Variants in GCNT2 observed in about 807,000 individuals in gnomAD.
GCNT2 encodes N-acetyllactosaminide beta-1,6-N-acetylglucosaminyl-transferase.
A neutral mutation model predicts 34.2 loss-of-function variants in GCNT2; 34 were observed. The observed-to-expected ratio is 1.00, with a 90% CI of 0.76 to 1.32. The LOEUF (loss-of-function observed/expected upper bound fraction) is 1.32, where lower values mean the gene tolerates loss of function less well. GCNT2 is among the 40% of genes most tolerant of loss of function. GCNT2 has a pLI of 0.00. For synonymous variants in GCNT2, 212 were observed against 188.0 expected (o/e 1.13, Z -1.04); for missense variants, 584 against 489.4 (o/e 1.19, Z -1.82).
At chr6:10,569,461 A>G (rs1176193896) in intron 3 of GCNT2, among the ~76,000 whole-genome samples, 1 of 152,112 alleles carries the variant, frequency 6.6e-6, no homozygotes, top group Non-Finnish European at 1.5e-5. Context: ...AGCTGGGATT[A>G]TAAGCATGAG....
intron 3 of GCNT2, among the ~76,000 whole-genome samples, chr6:10,601,838 G>A (rs1012793097): frequency 7.9e-5 from 12 of 151,546 alleles, no homozygotes; most frequent in Non-Finnish European, 1.6e-4. Context: ...CTACTCAGGA[G>A]GCTGAGGCAG....
intron 4 of GCNT2, among the ~76,000 whole-genome samples, chr6:10,622,742 CTTTTTTTTTTTTTTTT>C (rs36097125): frequency 2.7e-5 from 2 of 74,472 alleles, no homozygotes; most frequent in East Asian, 5.1e-4. Flanking sequence ...CTCAGTCCAT[CTTTTTTTTTTTTTTTT>C]TTTTTTTTTT....
chr6:10,617,157 C>CTG (rs1356818965), intron 3 of GCNT2, among the ~76,000 whole-genome samples: 1 of 152,102 alleles, frequency 6.6e-6, no homozygotes, highest in Non-Finnish European at 1.5e-5. Flanking sequence ...CCATGGCGGT[C>CTG]GGGGGGAGGC....
chr6:10,556,410 C>G, intron 3 of GCNT2: 5 of 1,613,524 alleles, frequency 3.1e-6, no homozygotes, highest in Non-Finnish European at 4.2e-6. Context: ...TGACATTTCA[C>G]CCTTCTTTGA....
At chr6:10,557,068 AG>A (rs1172571838) in intron 3 of GCNT2, 2 of 1,602,648 alleles carry the variant, frequency 1.2e-6, no homozygotes, top group Non-Finnish European at 1.7e-6. Context: ...ATATCACCCC[AG>A]GGGTGCTGCC....
At chr6:10,526,227 T>A (rs1476021153) in intron 1 of GCNT2, among the ~76,000 whole-genome samples, 1 of 152,178 alleles carries the variant, frequency 6.6e-6, no homozygotes, top group Non-Finnish European at 1.5e-5. Context: ...GTTGATTAAA[T>A]TCTATTTTGG....
At chr6:10,586,295 C>T (rs765694309) in intron 3 of GCNT2, 4 of 1,614,160 alleles carry the variant, frequency 2.5e-6, no homozygotes, top group Non-Finnish European at 3.4e-6. Flanking sequence ...ATGTCATGGT[C>T]ATCCATAAGG....
chr6:10,585,964 AT>A lies in GCNT2; in HGVS notation c.926-35385del, dbSNP rs1370839748. 3.7e-6 allele frequency: 6 copies of A among 1,612,858 alleles called. No individual in the cohort carries two copies. In the East Asian group the frequency reaches 6.7e-5, roughly 18 times the overall value. On this transcript the variant is annotated intron_variant, in intron 3 of 4. Coordinates refer to ENST00000495262, the MANE Select transcript of GCNT2 (RefSeq NM_145649.5). ...ATTTCTCATTCCCTGAAAAGAAGAGATTGTTTCCCCAGGGAAGTGAAAATAA... is the reference window on the plus strand; with the variant it reads ...ATTTCTCATTCCCTGAAAAGAAGAGATGTTTCCCCAGGGAAGTGAAAATAA...
intron 3 of GCNT2, among the ~76,000 whole-genome samples, chr6:10,593,989 A>G (rs1481174589): frequency 6.6e-6 from 1 of 152,202 alleles, no homozygotes; most frequent in East Asian, 1.9e-4. Flanking sequence ...ATCTGTGATG[A>G]TGGAGATAAT....
chr6:10,540,271 C>CTCCT (rs1561786311), intron 3 of GCNT2, among the ~76,000 whole-genome samples: 1 of 152,150 alleles, frequency 6.6e-6, no homozygotes, highest in African/African-American at 2.4e-5. Flanking sequence ...TGACTAAAGC[C>CTCCT]TCCTACCTCT....
intron 3 of GCNT2, among the ~76,000 whole-genome samples, chr6:10,560,554 G>A (rs768585590): frequency 6.6e-6 from 1 of 152,124 alleles, no homozygotes; most frequent in Non-Finnish European, 1.5e-5. Context: ...AAATGTGTTA[G>A]CAAGACCCTG....
chr6:10,557,039 A>G, intron 3 of GCNT2: 3 of 1,612,388 alleles, frequency 1.9e-6, no homozygotes, highest in Non-Finnish European at 2.5e-6. Flanking sequence ...TCAGTATCTG[A>G]AAGGATTTAA....
rs74679295 is a variant in GCNT2 at position 10,569,037 on chromosome 6, G to A, written c.925+39201G>A. Among the ~76,000 whole-genome samples the A allele has an allele frequency of 7.1e-3, 1,079 of 152,006 alleles. 14 individuals are homozygous for A. Among genetic ancestry groups the A allele is most frequent in the African/African-American group, 0.025 (1,034 of 41,456 alleles). On this transcript the variant is annotated intron_variant, in intron 3 of 4. Transcript: ENST00000495262. ...ATTAATGTGAATATCGTATTACCGC[G>A]ACTAGACTATAATGTCTTTGAGGTC...
intron 3 of GCNT2, among the ~76,000 whole-genome samples, chr6:10,540,747 A>G (rs1038175419): frequency 6.6e-6 from 1 of 152,134 alleles, no homozygotes; most frequent in African/African-American, 2.4e-5. Flanking sequence ...GCATTACAGG[A>G]AGTTTATTTT....
intron 3 of GCNT2, among the ~76,000 whole-genome samples, chr6:10,600,951 C>T (rs1386789414): frequency 1.3e-5 from 2 of 152,012 alleles, no homozygotes; most frequent in African/African-American, 4.8e-5. Context: ...CCACCACACC[C>T]AGCAAATTTT....
intron 3 of GCNT2, among the ~76,000 whole-genome samples, chr6:10,543,454 G>C (rs1390964890): frequency 6.6e-6 from 1 of 152,170 alleles, no homozygotes; most frequent in African/African-American, 2.4e-5. Context: ...GCCTCCCAAA[G>C]TTCTGGGATT....
At chr6:10,586,594 A>G in intron 3 of GCNT2, 1 of 1,614,164 alleles carries the variant, frequency 6.2e-7, no homozygotes, top group Non-Finnish European at 8.5e-7. Context: ...ACCAACCGGG[A>G]GATAGTTCAG....
chr6:10,544,853 G>A (rs955993382), intron 3 of GCNT2, among the ~76,000 whole-genome samples: 1 of 151,648 alleles, frequency 6.6e-6, no homozygotes, highest in African/African-American at 2.4e-5. Context: ...GCTGAGGCAG[G>A]AGAATCACTG....
rs6911348 is a variant in GCNT2 at position 10,582,535 on chromosome 6, T to G, written c.926-38816T>G. On this transcript the variant is annotated intron_variant, in intron 3 of 4. Transcript: ENST00000495262. ...CATATATTATATTATACATCATATA[T>G]TATATATCATGTATAATATATATCA... is the stretch of plus-strand genomic sequence containing the variant. Among the ~76,000 whole-genome samples the G allele has an allele frequency of 4.1e-5, 5 of 121,700 alleles. No homozygotes were observed. The South Asian group carries it at 1.1e-3, about 27-fold the overall frequency. 79.8% of individuals were successfully genotyped at this position (121,700 alleles called of 152,430 possible).
Sources: allele counts gnomAD v4.1 joint callset (sites outside exome capture counted in the v4.1 genomes callset), GRCh38; gene constraint gnomAD v4.1.1; transcripts MANE v1.5; gene names NCBI Gene and HGNC (gene_info 2026-07-23, HGNC 2026-07-21).